The following TJP3 variants were observed in gnomAD, a reference collection of about 807,000 sequenced individuals.
TJP3 encodes the protein tight junction protein ZO-3.
Under a neutral mutation model 104.2 loss-of-function variants are expected in TJP3, and 85 were observed. The observed-to-expected ratio is 0.82, with a 90% confidence interval of 0.68 to 0.98. TJP3 has a LOEUF of 0.98. Ranked by LOEUF, TJP3 falls within the 50% of genes least tolerant of loss-of-function variation. The pLI, the probability that TJP3 is intolerant of heterozygous loss-of-function variation, is 0.00. For missense variants in TJP3, 1,367 were observed against 1,322.8 expected, an observed-to-expected ratio of 1.03 and a Z score of -0.52; for synonymous variants, 550 against 550.6, an observed-to-expected ratio of 1.00 and a Z score of 0.02.
chr19:3,708,871 C>A (rs988068935), intron 1 of TJP3, among the ~76,000 whole-genome samples: 3 of 152,254 alleles, frequency 2.0e-5, no homozygotes, highest in East Asian at 3.9e-4. Flanking sequence ...GTCTCTGATC[C>A]CCCTAACTGA....
chr19:3,711,667 T>C (rs12460926), intron 1 of TJP3, among the ~76,000 whole-genome samples: 97,781 of 137,408 alleles, frequency 0.71, 35,097 homozygotes, highest in East Asian at 1. Context: ...CCGAGACGGG[T>C]GGATCACGAG....
chr19:3,746,196 A>C lies in TJP3; in HGVS notation c.2010+115A>C. On this transcript the variant is annotated intron_variant, in intron 16 of 20. Coordinates refer to ENST00000541714, the MANE Select transcript of TJP3 (RefSeq NM_001267560.2). The surrounding 1 kb of genome is among the most constrained non-coding windows in gnomAD (Gnocchi z 4.1). ...CCACACCCCACAAGTGCAGTCTTCC[A>C]TAGAGCCCCTTTTGGAGGCTTTGTG... 8.9e-7 allele frequency: 1 copy of C among 1,125,334 alleles called. No homozygotes were observed. Among genetic ancestry groups the C allele is most frequent in the South Asian group, 1.4e-5 (1 of 70,884 alleles). The allele number at this position is 1,125,334 out of a possible 1,614,324, so 69.7% of individuals were successfully genotyped here. A position where few individuals can be genotyped will look rare whatever the true frequency, so the allele number is the denominator to read the frequency against.
At chr19:3,728,009 G>A (rs1036533946) in intron 1 of TJP3, among the ~76,000 whole-genome samples, 5 of 152,052 alleles carry the variant, frequency 3.3e-5, no homozygotes, top group Admixed American at 3.3e-4. Context: ...GGAGGCCGAG[G>A]TGGGTGGATC....
intron 10 of TJP3, 41 bp from the exon 11 acceptor site, chr19:3,736,124 C>A: frequency 6.4e-7 from 1 of 1,560,330 alleles, no homozygotes. Flanking sequence ...TCCCTTTGTC[C>A]GCCCACTCTG....
intron 6 of TJP3, among the ~76,000 whole-genome samples, chr19:3,733,530 C>T (rs1300884890): frequency 6.6e-6 from 1 of 152,142 alleles, no homozygotes; most frequent in African/African-American, 2.4e-5. Flanking sequence ...CAGTGTCTCC[C>T]ACCCCTCTTA....
Position 3,746,508 on chromosome 19 carries a change from G to A in TJP3, c.2034G>A (p.Val678=). Residue 678 remains valine (V), a synonymous_variant, in exon 17 of 21, where the codon GTG becomes GTA. Transcript: ENST00000541714. The surrounding 1 kb of genome is among the most constrained non-coding windows in gnomAD (Gnocchi z 4.1). The part of the protein sequence containing the change: ...AEKDKHALLD[V]TPSAIERLNY... The stretch of plus-strand genomic sequence containing the variant: ...AGGACAAGCATGCGCTCCTGGATGT[G>A]ACCCCCTCCGCCATCGAGCGCCTCA... 6.2e-7 allele frequency: 1 copy of A among 1,613,888 alleles called. No individual in the cohort carries two copies. Among genetic ancestry groups the A allele is most frequent in the Non-Finnish European group, 8.5e-7 (1 of 1,180,000 alleles).
At position 3,746,481 on chromosome 19, in the gene TJP3, C is replaced by T. The variant is rs113472977; in HGVS notation, c.2011-4C>T. Reference sequence around the variant, plus strand: ...TCACCCCAACGTCCGCCGGCCTGGCCCAGGACAAGCATGCGCTCCTGGATG... The same window carrying T: ...TCACCCCAACGTCCGCCGGCCTGGCTCAGGACAAGCATGCGCTCCTGGATG... On this transcript the variant is annotated splice_polypyrimidine_tract_variant and splice_region_variant and intron_variant, in intron 16 of 20. Coordinates refer to ENST00000541714, the MANE Select transcript of TJP3 (RefSeq NM_001267560.2). The surrounding 1 kb of genome is among the most constrained non-coding windows in gnomAD (Gnocchi z 4.1). 3 of 1,613,746 alleles carry T rather than the reference C, an allele frequency of 1.9e-6. No homozygotes were observed. Among genetic ancestry groups the T allele is most frequent in the African/African-American group, 1.3e-5 (1 of 75,032 alleles).
In TJP3 at chr19:3,744,083, A is replaced by T. The variant is rs769371684; in HGVS notation, c.1939+49A>T. On this transcript the variant is annotated intron_variant, in intron 15 of 20. Transcript: ENST00000541714. ...ACCTCGTTGGTGAAATAGTTTCACA[A>T]CTGTTTTTTTGTGGGGGGTCGGGGG... 4 of 1,577,138 alleles carry T rather than the reference A, an allele frequency of 2.5e-6. No individual in the cohort carries two copies. The Admixed American group carries it at 6.7e-5, about 26-fold the overall frequency.
At position 3,728,649 on chromosome 19, in the gene TJP3, C is replaced by T. The variant is rs113865573; in HGVS notation, c.94C>T (p.Arg32Trp). The T allele has an allele frequency of 3.9e-5, 63 of 1,613,702 alleles. No homozygotes were observed. Among genetic ancestry groups the T allele is most frequent in the Admixed American group, 2.0e-4 (12 of 59,990 alleles). The change falls in exon 3 of 21, where the codon CGG (arginine) becomes TGG (tryptophan). Residue 32 changes from arginine (R) to tryptophan (W), a missense_variant. Arg to Trp is a moderately radical substitution (Grantham distance 101). Coordinates refer to ENST00000541714, the MANE Select transcript of TJP3 (RefSeq NM_001267560.2). ...FGIAISGGRD[R>W]PGGSMVVSDV... Reference sequence around the variant, plus strand: ...CATTGCGATCTCTGGAGGCCGAGACCGGCCCGGTGGATCCATGGTTGTATC... The same window carrying T: ...CATTGCGATCTCTGGAGGCCGAGACTGGCCCGGTGGATCCATGGTTGTATC...
In TJP3 at chr19:3,746,761, G is replaced by A. The variant is rs747790631; in HGVS notation, c.2222-15G>A. The A allele has an allele frequency of 1.5e-5, 24 of 1,603,396 alleles. No individual in the cohort carries two copies. The highest frequency in any genetic ancestry group is 2.7e-5 in the African/African-American group (2 of 74,796). On this transcript the variant is annotated splice_polypyrimidine_tract_variant and intron_variant, in intron 17 of 20. Transcript: ENST00000541714. This position sits in a 1 kb window ranked among gnomAD's most constrained non-coding sequence, Gnocchi z 4.1. ...GCCTGAGTCTCCTGCACACACTGAC[G>A]TCCCCTCCCTGCAGCCACCATCCCT...
chr19:3,724,265 G>A (rs1422680987), intron 1 of TJP3, among the ~76,000 whole-genome samples: 2 of 146,324 alleles, frequency 1.4e-5, no homozygotes, highest in Non-Finnish European at 1.5e-5. Context: ...GCACAATCTT[G>A]GCTCACTGCA....
At position 3,710,758 on chromosome 19, in the gene TJP3, A is replaced by G. The variant is rs1469238477; in HGVS notation, c.-10+2197A>G. Among the ~76,000 whole-genome samples the G allele has an allele frequency of 2.0e-5, 3 of 151,502 alleles. No homozygotes were observed. In the East Asian group the frequency reaches 5.8e-4, roughly 29 times the overall value. Reference sequence around the variant, plus strand: ...TGGGGTCACCAGGCCTTGGAGATTCAGCAGTGAGCAAGGCAGGCCAAGCTT... The same window carrying G: ...TGGGGTCACCAGGCCTTGGAGATTCGGCAGTGAGCAAGGCAGGCCAAGCTT... On this transcript the variant is annotated intron_variant, in intron 1 of 20. Transcript: ENST00000541714.
At chr19:3,723,960 C>T (rs1055717617) in intron 1 of TJP3, among the ~76,000 whole-genome samples, 3 of 151,850 alleles carry the variant, frequency 2.0e-5, no homozygotes, top group African/African-American at 4.8e-5. Flanking sequence ...GCAGGAATCC[C>T]GTGAAACATG....
chr19:3,719,512 A>G (rs1279333283), intron 1 of TJP3, among the ~76,000 whole-genome samples: 1 of 151,386 alleles, frequency 6.6e-6, no homozygotes, highest in Non-Finnish European at 1.5e-5. Context: ...GAGGTGGGCT[A>G]ATCACTTGAG....
chr19:3,746,390 C>A lies in TJP3; in HGVS notation c.2011-95C>A, dbSNP rs1218714216. 3 of 1,367,472 alleles carry A rather than the reference C, an allele frequency of 2.2e-6. No homozygotes were observed. In the African/African-American group the frequency reaches 4.3e-5, roughly 20 times the overall value. The allele number at this position is 1,367,472 out of a possible 1,614,324, so 84.7% of individuals were successfully genotyped here. On this transcript the variant is annotated intron_variant, in intron 16 of 20. Transcript: ENST00000541714. This position sits in a 1 kb window ranked among gnomAD's most constrained non-coding sequence, Gnocchi z 4.1. ...GCCTGTGGATGTGAGAGGCTGGGGTCCACTCTGACCTCAGACTCTTCATCT... is the reference window on the plus strand; with the variant it reads ...GCCTGTGGATGTGAGAGGCTGGGGTACACTCTGACCTCAGACTCTTCATCT...
intron 14 of TJP3, among the ~76,000 whole-genome samples, chr19:3,742,481 T>C (rs1307607523): frequency 1.3e-5 from 2 of 150,906 alleles, no homozygotes; most frequent in African/African-American, 2.4e-5. Context: ...TAAGCTCTTA[T>C]CAGAGGACAG....
chr19:3,710,440 G>A (rs982980174), intron 1 of TJP3, among the ~76,000 whole-genome samples: 6 of 152,186 alleles, frequency 3.9e-5, no homozygotes, highest in African/African-American at 1.4e-4. Context: ...GTGGTGCTCT[G>A]GAGGCTGGCC....
At chr19:3,733,325 C>T (rs2036696487) in intron 6 of TJP3, among the ~76,000 whole-genome samples, 2 of 152,170 alleles carry the variant, frequency 1.3e-5, no homozygotes, top group South Asian at 4.1e-4. Flanking sequence ...CGTGAGCCAC[C>T]GCGCCCCACT....
intron 1 of TJP3, among the ~76,000 whole-genome samples, chr19:3,723,884 TG>T (rs2036569761): frequency 6.6e-6 from 1 of 150,642 alleles, no homozygotes; most frequent in Admixed American, 6.6e-5. Context: ...GTTAGCTAGG[TG>T]GTCAGGGAGG....
Sources: allele counts gnomAD v4.1 joint callset (sites outside exome capture counted in the v4.1 genomes callset), GRCh38; gene constraint gnomAD v4.1.1; non-coding constraint Gnocchi (gnomAD v3.1); transcripts MANE v1.5; gene names NCBI Gene and HGNC (gene_info 2026-07-23, HGNC 2026-07-21).